Variants in ANXA4 observed in about 807,000 individuals in gnomAD.
ANXA4 encodes 35-beta calcimedin.
Under a neutral mutation model 49.8 loss-of-function variants are expected in ANXA4, and 39 were observed. That is an observed-to-expected ratio of 0.78 (90% CI 0.61 to 1.02). ANXA4 has a LOEUF of 1.02. ANXA4 is among the 50% of genes least tolerant of loss of function. The pLI is 0.00. For synonymous variants in ANXA4, 134 were observed against 152.5 expected (o/e 0.88, Z 0.89); for missense variants, 360 against 410.1 (o/e 0.88, Z 1.05).
At chr2:69,650,128 G>A (rs575158025) in intron 1 of ANXA4, among the ~76,000 whole-genome samples, 4 of 151,676 alleles carry the variant, frequency 2.6e-5, no homozygotes, top group East Asian at 1.9e-4. Context: ...TAGACACAGG[G>A]TTTCACCATG....
At chr2:69,778,820 AG>A (rs1461676489) in intron 1 of ANXA4, among the ~76,000 whole-genome samples, 1 of 145,296 alleles carries the variant, frequency 6.9e-6, no homozygotes, top group East Asian at 2.1e-4. Flanking sequence ...TCAGAGGGCC[AG>A]GTGTGATGGC....
At chr2:69,702,303 G>A (rs1391906095) in intron 2 of ANXA4, among the ~76,000 whole-genome samples, 3 of 151,996 alleles carry the variant, frequency 2.0e-5, no homozygotes, top group Non-Finnish European at 4.4e-5. Context: ...GTGAGCCACT[G>A]CACCTGGCCT....
At chr2:69,790,491 T>C (rs1462598897) in intron 3 of ANXA4, among the ~76,000 whole-genome samples, 2 of 152,192 alleles carry the variant, frequency 1.3e-5, no homozygotes, top group African/African-American at 4.8e-5. Flanking sequence ...GTTCTAAATA[T>C]GAGTATTAAG....
At chr2:69,668,596 A>G (rs1559060720) in intron 2 of ANXA4, among the ~76,000 whole-genome samples, 1 of 152,208 alleles carries the variant, frequency 6.6e-6, no homozygotes, top group East Asian at 1.9e-4. Context: ...ATAGACACAT[A>G]CATGTATGTG....
At chr2:69,707,086 G>C (rs1472421383) in intron 2 of ANXA4, among the ~76,000 whole-genome samples, 3 of 152,162 alleles carry the variant, frequency 2.0e-5, no homozygotes, top group Admixed American at 1.3e-4. Context: ...CTTTCTATAT[G>C]TGAGCTTAGC....
chr2:69,691,321 A>G (rs1677957730), intron 2 of ANXA4, among the ~76,000 whole-genome samples: 1 of 151,604 alleles, frequency 6.6e-6, no homozygotes, highest in South Asian at 2.1e-4. Context: ...ACGGGGTTTC[A>G]CCATGTTGGC....
intron 2 of ANXA4, among the ~76,000 whole-genome samples, chr2:69,702,863 T>C (rs1217435294): frequency 6.6e-6 from 1 of 152,216 alleles, no homozygotes; most frequent in African/African-American, 2.4e-5. Flanking sequence ...AAACTGTTCA[T>C]TTCTAAGCAA....
chr2:69,680,235 T>G (rs1278018782), intron 2 of ANXA4, among the ~76,000 whole-genome samples: 1 of 152,168 alleles, frequency 6.6e-6, no homozygotes, highest in African/African-American at 2.4e-5. Flanking sequence ...TTGGTTAAAT[T>G]TATTCTTAGT....
intron 3 of ANXA4, among the ~76,000 whole-genome samples, chr2:69,728,979 G>A (rs1379284839): frequency 6.6e-6 from 1 of 152,120 alleles, no homozygotes; most frequent in Non-Finnish European, 1.5e-5. Flanking sequence ...TAAATCATAA[G>A]TACCTTCCTC....
chr2:69,669,774 G>T (rs1165511439), intron 2 of ANXA4, among the ~76,000 whole-genome samples: 1 of 152,010 alleles, frequency 6.6e-6, no homozygotes, highest in Non-Finnish European at 1.5e-5. Flanking sequence ...GTTTCCCACT[G>T]ACTCTGTTGC....
chr2:69,775,198 C>T (rs1671915206), intron 1 of ANXA4, among the ~76,000 whole-genome samples: 1 of 152,234 alleles, frequency 6.6e-6, no homozygotes, highest in Non-Finnish European at 1.5e-5. Flanking sequence ...ATTGTCTAAT[C>T]TCAGCATGAT....
chr2:69,656,979 T>A (rs1676526170), intron 2 of ANXA4, among the ~76,000 whole-genome samples: 1 of 151,878 alleles, frequency 6.6e-6, no homozygotes, highest in Non-Finnish European at 1.5e-5. Context: ...ATGTTTTTAC[T>A]GATATAATCA....
At chr2:69,652,872 A>G (rs929529826) in intron 1 of ANXA4, 13 of 152,348 alleles carry the variant, frequency 8.5e-5, no homozygotes, top group Admixed American at 8.5e-4. Context: ...CAAAAAGGAA[A>G]GAATTTAGCT....
chr2:69,741,508 CCT>C (rs1670395578), upstream of ANXA4, among the ~76,000 whole-genome samples: 4 of 152,234 alleles, frequency 2.6e-5, no homozygotes, highest in South Asian at 4.1e-4. Context: ...GCTTTCCTGG[CCT>C]GCTGGGCGCA....
At chr2:69,719,397 G>A (rs1329542896) in intron 2 of ANXA4, among the ~76,000 whole-genome samples, 1 of 150,652 alleles carries the variant, frequency 6.6e-6, no homozygotes, top group African/African-American at 2.4e-5. Context: ...TGAGTAGCTG[G>A]GACTACAGGT....
chr2:69,790,471 T>G (rs1021492222), intron 3 of ANXA4, among the ~76,000 whole-genome samples: 2 of 152,180 alleles, frequency 1.3e-5, no homozygotes, highest in African/African-American at 4.8e-5. Flanking sequence ...CAAGGAGGTT[T>G]AGAATATAGG....
chr2:69,803,950 C>A (rs1673325949), intron 3 of ANXA4, among the ~76,000 whole-genome samples: 1 of 151,948 alleles, frequency 6.6e-6, no homozygotes, highest in Non-Finnish European at 1.5e-5. Context: ...CCAGCCTGGT[C>A]AACATAGTGA....
intron 1 of ANXA4, among the ~76,000 whole-genome samples, chr2:69,745,654 C>G (rs1331604607): frequency 6.6e-6 from 1 of 151,812 alleles, no homozygotes; most frequent in Non-Finnish European, 1.5e-5. Context: ...CCTCAGCCTC[C>G]TGAGTAGCTG....
intron 1 of ANXA4, among the ~76,000 whole-genome samples, chr2:69,757,130 T>C (rs1372835897): frequency 6.7e-6 from 1 of 149,204 alleles, no homozygotes; most frequent in Admixed American, 6.7e-5. Context: ...GGTTTCACCA[T>C]GTTAGCCAGG....
Sources: allele counts gnomAD v4.1 joint callset (sites outside exome capture counted in the v4.1 genomes callset), GRCh38; gene constraint gnomAD v4.1.1; transcripts MANE v1.5; gene names NCBI Gene and HGNC (gene_info 2026-07-23, HGNC 2026-07-21).